The following STPG2 variants were observed in gnomAD, a reference collection of about 807,000 sequenced individuals.
The protein encoded by STPG2 is sperm tail PG-rich repeat containing 2.
Under a neutral mutation model 54.2 loss-of-function variants are expected in STPG2, and 56 were observed. The observed-to-expected ratio is 1.03, with a 90% CI of 0.83 to 1.29. The LOEUF (loss-of-function observed/expected upper bound fraction) is 1.29. Ranked by LOEUF, STPG2 falls within the 50% of genes most tolerant of loss-of-function variation. The pLI, the probability that STPG2 is intolerant of heterozygous loss-of-function variation, is 0.00. For synonymous variants in STPG2, 200 were observed against 181.8 expected (o/e 1.10, Z -0.81); for missense variants, 596 against 544.9 (o/e 1.09, Z -0.93).
intron 9 of STPG2, among the ~76,000 whole-genome samples, chr4:97,826,493 C>T (rs1728262942): frequency 6.6e-6 from 1 of 152,090 alleles, no homozygotes; most frequent in South Asian, 2.1e-4. Flanking sequence ...AAAAGCACAA[C>T]AAGTGTTACT....
chr4:98,117,682 C>A (rs529129333), intron 3 of STPG2, among the ~76,000 whole-genome samples: 2 of 152,062 alleles, frequency 1.3e-5, no homozygotes, highest in East Asian at 3.9e-4. Flanking sequence ...CTGATTCTTT[C>A]TTCAGCCAAT....
At chr4:97,551,046 G>A (rs1234365789) in intron 4 of STPG2, among the ~76,000 whole-genome samples, 15 of 151,428 alleles carry the variant, frequency 9.9e-5, no homozygotes, top group Admixed American at 9.8e-4. Context: ...GGGCTCAGGT[G>A]GCCAGCTTTT....
At chr4:97,957,794 CA>C (rs1272911378) in intron 7 of STPG2, among the ~76,000 whole-genome samples, 1 of 152,038 alleles carries the variant, frequency 6.6e-6, no homozygotes, top group Non-Finnish European at 1.5e-5. Flanking sequence ...AACTATAAGC[CA>C]AAACTTTTGT....
intron 4 of STPG2, among the ~76,000 whole-genome samples, chr4:97,456,891 C>CAAAAAAAAAAAAAAAAAAAAAAAAAAAAA (rs57563048): frequency 8.2e-5 from 4 of 48,922 alleles, no homozygotes; most frequent in African/African-American, 2.3e-4. Flanking sequence ...TGCTCCGTCT[C>CAAAAAAAAAAAAAAAAAAAAAAAAAAAAA]AAAAAAAAAA....
chr4:97,756,924 A>G (rs2149049813), intron 9 of STPG2, among the ~76,000 whole-genome samples: 1 of 152,226 alleles, frequency 6.6e-6, no homozygotes, highest in Non-Finnish European at 1.5e-5. Context: ...CTTTTGGTAG[A>G]TGCACCCCTC....
chr4:98,025,610 T>G, intron 5 of STPG2: 1 of 755,488 alleles, frequency 1.3e-6, no homozygotes, highest in Non-Finnish European at 2.4e-6. Flanking sequence ...TATAATAGTC[T>G]GTGCAGCATA....
intron 10 of STPG2, among the ~76,000 whole-genome samples, chr4:97,679,638 C>T (rs908163812): frequency 2.6e-5 from 4 of 152,144 alleles, no homozygotes; most frequent in Non-Finnish European, 4.4e-5. Flanking sequence ...TAACGAGATC[C>T]CATTTGTCAA....
At chr4:97,660,271 G>C (rs1046494358) in intron 10 of STPG2, among the ~76,000 whole-genome samples, 5 of 152,196 alleles carry the variant, frequency 3.3e-5, no homozygotes, top group Non-Finnish European at 7.4e-5. Context: ...GAAGTGCTGG[G>C]ATTACAGGCG....
At chr4:97,882,687 G>A (rs997982637) in intron 8 of STPG2, among the ~76,000 whole-genome samples, 6 of 152,042 alleles carry the variant, frequency 3.9e-5, no homozygotes, top group Non-Finnish European at 8.8e-5. Context: ...GCAATGAACA[G>A]CCACCCAAAA....
chr4:97,927,278 A>C (rs1455278866), intron 8 of STPG2, among the ~76,000 whole-genome samples: 2 of 152,128 alleles, frequency 1.3e-5, no homozygotes, highest in Non-Finnish European at 2.9e-5. Context: ...AATTCTAAGA[A>C]ATTTCAAGTC....
At chr4:97,459,034 C>A (rs2148805743) in intron 4 of STPG2, among the ~76,000 whole-genome samples, 1 of 152,144 alleles carries the variant, frequency 6.6e-6, no homozygotes, top group African/African-American at 2.4e-5. Flanking sequence ...AAATTATCTT[C>A]ATTGTTAGGA....
At chr4:97,638,173 C>T (rs1721626517) in intron 10 of STPG2, among the ~76,000 whole-genome samples, 1 of 152,114 alleles carries the variant, frequency 6.6e-6, no homozygotes, top group African/African-American at 2.4e-5. Flanking sequence ...AGAACAGAGC[C>T]CTCAGAAATA....
intron 5 of STPG2, among the ~76,000 whole-genome samples, chr4:97,992,248 T>G (rs980951220): frequency 7.2e-5 from 11 of 152,200 alleles, no homozygotes; most frequent in African/African-American, 2.7e-4. Context: ...GATTTAAGTC[T>G]TTGATGAATC....
chr4:98,033,040 C>T (rs1736649020), intron 5 of STPG2, among the ~76,000 whole-genome samples: 2 of 151,610 alleles, frequency 1.3e-5, no homozygotes, highest in Non-Finnish European at 2.9e-5. Context: ...ACTAGAGAAA[C>T]AAGAGCAAAC....
intron 8 of STPG2, among the ~76,000 whole-genome samples, chr4:97,924,311 T>C (rs1732252885): frequency 6.6e-6 from 1 of 152,214 alleles, no homozygotes; most frequent in African/African-American, 2.4e-5. Flanking sequence ...AATAGGATGT[T>C]ACTTAATAAA....
At chr4:97,639,937 C>T (rs1721708155) in intron 10 of STPG2, among the ~76,000 whole-genome samples, 1 of 152,000 alleles carries the variant, frequency 6.6e-6, no homozygotes, top group Non-Finnish European at 1.5e-5. Flanking sequence ...CTCTAATATT[C>T]ACATATAGTA....
At chr4:97,594,089 C>A (rs938724031) in intron 10 of STPG2, among the ~76,000 whole-genome samples, 7 of 152,170 alleles carry the variant, frequency 4.6e-5, no homozygotes, top group Admixed American at 1.3e-4. Flanking sequence ...ATTCAAAAAG[C>A]CAGTGTCTTC....
chr4:97,508,682 G>A (rs1447380787), intron 4 of STPG2, among the ~76,000 whole-genome samples: 1 of 151,926 alleles, frequency 6.6e-6, no homozygotes, highest in African/African-American at 2.4e-5. Context: ...GAATTATAAC[G>A]ACATAATGAT....
rs116576907 is a variant in STPG2 at position 97,592,902 on chromosome 4, G to T, written c.1321-33785C>A. On this transcript the variant is annotated intron_variant, in intron 10 of 10. Coordinates refer to ENST00000295268, the MANE Select transcript of STPG2 (RefSeq NM_174952.3). ...TGGTAGGGACAGGACTCCAGCCTCTGTAGAGCCCAGAGTGTTTGTGGTGGG... is the reference window on the plus strand; with the variant it reads ...TGGTAGGGACAGGACTCCAGCCTCTTTAGAGCCCAGAGTGTTTGTGGTGGG... Among the ~76,000 whole-genome samples the T allele has an allele frequency of 5.5e-3, 840 of 152,278 alleles. 5 individuals are homozygous for T. The highest frequency in any genetic ancestry group is 9.4e-3 in the Non-Finnish European group (639 of 68,008).
Sources: allele counts gnomAD v4.1 joint callset (sites outside exome capture counted in the v4.1 genomes callset), GRCh38; gene constraint gnomAD v4.1.1; transcripts MANE v1.5; gene names NCBI Gene and HGNC (gene_info 2026-07-23, HGNC 2026-07-21).